RPRD2: variants seen among roughly 807,000 people sequenced by gnomAD.
The protein encoded by RPRD2 is regulation of nuclear pre-mRNA domain containing 2.
RPRD2 carries 12 observed loss-of-function variants against 104.4 expected under a neutral mutation model. That is an observed-to-expected ratio of 0.11 (90% CI 0.07 to 0.19). The LOEUF is 0.19. Ranked by LOEUF, RPRD2 falls within the 10% of genes least tolerant of loss-of-function variation. The pLI is 1.00. For synonymous variants in RPRD2, 714 were observed against 684.9 expected (o/e 1.04, Z -0.66); for missense variants, 1,543 against 1,790.1 (o/e 0.86, Z 2.49).
chr1:150,373,533 CTT>C (rs56743462), intron 1 of RPRD2, among the ~76,000 whole-genome samples: 7 of 97,404 alleles, frequency 7.2e-5, no homozygotes, highest in African/African-American at 1.5e-4. Context: ...TCAAGAATGA[CTT>C]TTTTTTTTTT....
At chr1:150,371,019 C>G (rs2102082348) in intron 1 of RPRD2, among the ~76,000 whole-genome samples, 1 of 152,230 alleles carries the variant, frequency 6.6e-6, no homozygotes, top group Non-Finnish European at 1.5e-5. Context: ...TCCCTTAGTA[C>G]TTTGAAGTAA....
chr1:150,452,292 A>T (rs1293471635), intron 7 of RPRD2, among the ~76,000 whole-genome samples: 1 of 152,194 alleles, frequency 6.6e-6, no homozygotes, highest in African/African-American at 2.4e-5. Context: ...GAAACCAGGA[A>T]ATGGCAAGGA....
At chr1:150,442,658 T>C (rs1237483043) in intron 4 of RPRD2, among the ~76,000 whole-genome samples, 11 of 152,016 alleles carry the variant, frequency 7.2e-5, no homozygotes, top group Admixed American at 5.9e-4. Flanking sequence ...ATTAAGGGAG[T>C]CCTCAGACAT....
chr1:150,424,618 A>G (rs1287015419), intron 2 of RPRD2, among the ~76,000 whole-genome samples: 1 of 152,116 alleles, frequency 6.6e-6, no homozygotes, highest in Non-Finnish European at 1.5e-5. Flanking sequence ...CAAAATGAGA[A>G]AAACTGAAGT....
chr1:150,392,061 A>C (rs889646892), intron 1 of RPRD2, among the ~76,000 whole-genome samples: 1 of 149,922 alleles, frequency 6.7e-6, no homozygotes, highest in Non-Finnish European at 1.5e-5. Flanking sequence ...TTAGCCAGGC[A>C]TGGTGGCAGG....
intron 5 of RPRD2, 103 bp from the exon 6 acceptor site, chr1:150,444,148 G>GTTTGTTTTGT (rs771139817): frequency 1.2e-5 from 14 of 1,173,412 alleles, no homozygotes; most frequent in Middle Eastern, 2.4e-4. Context: ...GCTTTAGGGT[G>GTTTGTTTTGT]TTTGTTTTGT....
At chr1:150,411,841 G>A (rs1420751262) in intron 1 of RPRD2, among the ~76,000 whole-genome samples, 1 of 145,116 alleles carries the variant, frequency 6.9e-6, no homozygotes, top group Non-Finnish European at 1.5e-5. Flanking sequence ...GAAGAAGGCA[G>A]TAGGCTAGGC....
At chr1:150,462,948 G>T (rs1012017144) in intron 9 of RPRD2, among the ~76,000 whole-genome samples, 1 of 152,062 alleles carries the variant, frequency 6.6e-6, no homozygotes, top group Non-Finnish European at 1.5e-5. Flanking sequence ...CAAACTTCTG[G>T]GTTCAAGTGA....
chr1:150,384,683 T>G (rs1694382), intron 1 of RPRD2, among the ~76,000 whole-genome samples: 4,610 of 117,768 alleles, frequency 0.039, 101 homozygotes, highest in Middle Eastern at 0.12. Context: ...GTGTGTGTGT[T>G]TTTAGTAGAG....
At chr1:150,399,223 C>T (rs960273015) in intron 1 of RPRD2, among the ~76,000 whole-genome samples, 10 of 152,022 alleles carry the variant, frequency 6.6e-5, no homozygotes, top group African/African-American at 2.4e-4. Flanking sequence ...AGGCTGGTCT[C>T]AAACTCCTGG....
chr1:150,391,605 A>T (rs12130583), intron 1 of RPRD2, among the ~76,000 whole-genome samples: 33,847 of 152,204 alleles, frequency 0.22, 4,293 homozygotes, highest in African/African-American at 0.32. Flanking sequence ...TTTAATTAGT[A>T]TAGTTTAAAA....
Position 150,476,459 on chromosome 1 carries a change from C to A in RPRD2, c.*3125C>A, listed in dbSNP as rs1263891514. The A allele has an allele frequency of 6.6e-6, 1 of 152,206 alleles. No homozygotes were observed. Among genetic ancestry groups the A allele is most frequent in the Admixed American group, 6.5e-5 (1 of 15,282 alleles). 9.4% of individuals were successfully genotyped at this position (152,206 alleles called of 1,614,324 possible). A position where few individuals can be genotyped will look rare whatever the true frequency, so the allele number is the denominator to read the frequency against. On this transcript the variant is annotated 3_prime_UTR_variant, in exon 11 of 11. Coordinates refer to ENST00000369068, the MANE Select transcript of RPRD2 (RefSeq NM_015203.5). ...AATAGATATGTTGGATTGATATTCT[C>A]ACGTGTTCGGTGTGGAAAACAAAAC...
Position 150,472,042 on chromosome 1 carries a change from A to G in RPRD2, c.3094A>G (p.Lys1032Glu). 2 of 1,613,882 alleles carry G rather than the reference A, an allele frequency of 1.2e-6. No homozygotes were observed. The highest frequency in any genetic ancestry group is 1.7e-6 in the Non-Finnish European group (2 of 1,179,880). Residue 1032 changes from lysine to glutamate, a missense_variant, in exon 11 of 11, where the codon AAG (lysine) becomes GAG (glutamate). By Grantham distance (56) the Lys-to-Glu change is moderately conservative (BLOSUM62 1). Coordinates refer to ENST00000369068, the MANE Select transcript of RPRD2 (RefSeq NM_015203.5). ...DDKHFGQAPSKGTPSDGVSLS... is the reference protein window; with the variant it reads ...DDKHFGQAPSEGTPSDGVSLS... ...TAAGCATTTTGGCCAGGCTCCCAGC[A>G]AGGGCACTCCAAGTGATGGTGTCAG...
chr1:150,437,340 AC>A (rs1553893395), intron 2 of RPRD2, among the ~76,000 whole-genome samples: 2 of 152,160 alleles, frequency 1.3e-5, no homozygotes, highest in African/African-American at 4.8e-5. Context: ...TACTAAAAAT[AC>A]AAATATTAGC....
intron 2 of RPRD2, among the ~76,000 whole-genome samples, chr1:150,419,869 C>G (rs587658525): frequency 2.0e-5 from 3 of 152,280 alleles, no homozygotes; most frequent in Non-Finnish European, 2.9e-5. Flanking sequence ...CTCAGGTGAT[C>G]CGCCTGCCTC....
rs779805374 is a variant in RPRD2 at position 150,472,541 on chromosome 1, C to T, written c.3593C>T (p.Pro1198Leu). The change falls in exon 11 of 11, where the codon CCC becomes CTC. Residue 1198 changes from proline (P) to leucine (L), a missense_variant. Coordinates refer to ENST00000369068, the MANE Select transcript of RPRD2 (RefSeq NM_015203.5). ...STFEHHLPPSPLEHGTPFQRE... is the reference protein window; with the variant it reads ...STFEHHLPPSLLEHGTPFQRE... Reference sequence around the variant, plus strand: ...TTTGAGCATCATCTTCCCCCATCCCCCTTGGAACATGGGACACCCTTCCAG... The same window carrying T: ...TTTGAGCATCATCTTCCCCCATCCCTCTTGGAACATGGGACACCCTTCCAG... 1.9e-6 allele frequency: 3 copies of T among 1,613,988 alleles called. No individual in the cohort carries two copies. Among genetic ancestry groups the T allele is most frequent in the Non-Finnish European group, 2.5e-6 (3 of 1,179,876 alleles).
At chr1:150,434,670 G>A (rs1553892746) in intron 2 of RPRD2, among the ~76,000 whole-genome samples, 1 of 151,968 alleles carries the variant, frequency 6.6e-6, no homozygotes, top group East Asian at 1.9e-4. Context: ...ACAAAAATTA[G>A]CCAGGTGGTA....
Position 150,364,605 on chromosome 1 carries a change from C to T in RPRD2, c.-110C>T, listed in dbSNP as rs1659683216. The T allele has an allele frequency of 1.6e-6, 1 of 625,362 alleles. No homozygotes were observed. The highest frequency in any genetic ancestry group is 2.8e-6 in the Non-Finnish European group (1 of 359,864). 38.7% of individuals were successfully genotyped at this position (625,362 alleles called of 1,614,324 possible). A position where few individuals can be genotyped will look rare whatever the true frequency, so the allele number is the denominator to read the frequency against. Reference sequence around the variant, plus strand: ...GTGCACCATCCCCACCCCCTAGCTTCCCTCCCCACCTACGGCTTTCACGCA... The same window carrying T: ...GTGCACCATCCCCACCCCCTAGCTTTCCTCCCCACCTACGGCTTTCACGCA... On this transcript the variant is annotated 5_prime_UTR_variant, in exon 1 of 11. Coordinates refer to ENST00000369068, the MANE Select transcript of RPRD2 (RefSeq NM_015203.5).
chr1:150,413,993 T>C (rs1664140581), intron 1 of RPRD2, among the ~76,000 whole-genome samples: 1 of 151,708 alleles, frequency 6.6e-6, no homozygotes, highest in Non-Finnish European at 1.5e-5. Context: ...TTTGGGAGGC[T>C]GAGGTGGGAG....
Sources: gnomAD v4.1 joint callset for allele counts (sites outside exome capture counted in the v4.1 genomes callset) on GRCh38, gnomAD v4.1.1 for gene constraint, MANE v1.5 for transcripts, NCBI Gene and HGNC (gene_info 2026-07-23, HGNC 2026-07-21) for gene names.